NALF1: variants seen among roughly 807,000 people sequenced by gnomAD.
NALF1 encodes the protein family with sequence similarity 155 member A.
In NALF1, 3 loss-of-function variants were observed where a neutral mutation model predicts 48.4. The ratio of observed to expected loss-of-function variants is 0.06; its 90% CI spans 0.03 to 0.16. The LOEUF is 0.16. NALF1 is among the 10% of genes least tolerant of loss of function. NALF1 has a pLI of 1.00. For synonymous variants in NALF1, 262 were observed against 245.7 expected (o/e 1.07, Z -0.62); for missense variants, 526 against 571.5 (o/e 0.92, Z 0.81).
intron 1 of NALF1, among the ~76,000 whole-genome samples, chr13:107,547,988 T>G (rs1416991573): frequency 6.6e-6 from 1 of 151,964 alleles, no homozygotes; most frequent in Non-Finnish European, 1.5e-5. Context: ...TTTTTTAAAT[T>G]TTAGGTTCAG....
intron 1 of NALF1, among the ~76,000 whole-genome samples, chr13:107,436,411 C>T (rs1884464557): frequency 6.6e-6 from 1 of 152,054 alleles, no homozygotes; most frequent in Non-Finnish European, 1.5e-5. Flanking sequence ...TATTTGAAAA[C>T]AAATCTGTCA....
chr13:107,319,650 T>C (rs1447044092), intron 1 of NALF1, among the ~76,000 whole-genome samples: 1 of 152,114 alleles, frequency 6.6e-6, no homozygotes, highest in Non-Finnish European at 1.5e-5. Flanking sequence ...CTATATAAGG[T>C]AGGTTCTAAT....
chr13:107,659,315 CT>C (rs1221082954), intron 1 of NALF1, among the ~76,000 whole-genome samples: 4 of 152,104 alleles, frequency 2.6e-5, no homozygotes, highest in Non-Finnish European at 5.9e-5. Flanking sequence ...TTGCATTTAT[CT>C]TTTTTTCCCA....
intron 1 of NALF1, among the ~76,000 whole-genome samples, chr13:107,650,247 C>A (rs981867350): frequency 2.0e-5 from 3 of 152,014 alleles, no homozygotes; most frequent in Non-Finnish European, 2.9e-5. Flanking sequence ...CCTGACAGAA[C>A]CAGGGTACCC....
intron 1 of NALF1, among the ~76,000 whole-genome samples, chr13:107,808,146 G>T (rs2138603630): frequency 6.6e-6 from 1 of 152,200 alleles, no homozygotes; most frequent in African/African-American, 2.4e-5. Flanking sequence ...CAGTTGCGGG[G>T]CCGATGCACT....
At chr13:107,595,836 G>T (rs1415544753) in intron 1 of NALF1, among the ~76,000 whole-genome samples, 1 of 152,090 alleles carries the variant, frequency 6.6e-6, no homozygotes, top group African/African-American at 2.4e-5. Flanking sequence ...CTCAATAGAT[G>T]ATCATGTGAT....
At chr13:107,246,612 T>C (rs1880591278) in intron 1 of NALF1, among the ~76,000 whole-genome samples, 1 of 152,236 alleles carries the variant, frequency 6.6e-6, no homozygotes, top group African/African-American at 2.4e-5. Flanking sequence ...TGATTAGTAT[T>C]AGCTGAAGAT....
At chr13:107,730,625 G>A (rs1284713549) in intron 1 of NALF1, among the ~76,000 whole-genome samples, 1 of 152,068 alleles carries the variant, frequency 6.6e-6, no homozygotes, top group Non-Finnish European at 1.5e-5. Flanking sequence ...TGACAGCTCA[G>A]AAACAATTTT....
At chr13:107,266,697 C>T (rs1421261339) in intron 1 of NALF1, among the ~76,000 whole-genome samples, 7 of 152,050 alleles carry the variant, frequency 4.6e-5, no homozygotes, top group African/African-American at 1.7e-4. Flanking sequence ...GACCAAAGTC[C>T]CAGCACCTCA....
chr13:107,646,765 T>A (rs527443946), intron 1 of NALF1, among the ~76,000 whole-genome samples: 1 of 152,166 alleles, frequency 6.6e-6, no homozygotes, highest in Non-Finnish European at 1.5e-5. Flanking sequence ...CATTGACAGC[T>A]ATCTTTAAGA....
chr13:107,509,045 T>C (rs1157824), intron 1 of NALF1, among the ~76,000 whole-genome samples: 7,079 of 152,224 alleles, frequency 0.047, 553 homozygotes, highest in African/African-American at 0.16. Context: ...AATTCAATTA[T>C]AAATTTGAGA....
Position 107,665,571 on chromosome 13 carries a change from C to G in NALF1, c.915+200111G>C, listed in dbSNP as rs888019059. ...TTCTACAGAAAATATATTTCCCCCTCTCCATTTCTGCTCTCAATTCTGAGT... is the reference window on the plus strand; with the variant it reads ...TTCTACAGAAAATATATTTCCCCCTGTCCATTTCTGCTCTCAATTCTGAGT... On this transcript the variant is annotated intron_variant, in intron 1 of 2. Transcript: ENST00000375915. 1.2e-4 allele frequency among the ~76,000 whole-genome samples: 19 copies of G among 152,098 alleles called. 2 individuals carry two copies. Among genetic ancestry groups the G allele is most frequent in the Admixed American group, 1.0e-3 (16 of 15,256 alleles).
intron 1 of NALF1, among the ~76,000 whole-genome samples, chr13:107,286,163 A>G (rs1400980880): frequency 6.6e-6 from 1 of 152,226 alleles, no homozygotes; most frequent in Non-Finnish European, 1.5e-5. Flanking sequence ...TGTTGGTGGG[A>G]ATATAAAATG....
chr13:107,695,683 T>G (rs1881682346), intron 1 of NALF1, among the ~76,000 whole-genome samples: 4 of 152,218 alleles, frequency 2.6e-5, no homozygotes, highest in South Asian at 2.1e-4. Flanking sequence ...CGGTTCTAGA[T>G]GAGAACTCTC....
intron 1 of NALF1, among the ~76,000 whole-genome samples, chr13:107,498,731 C>T: frequency 6.6e-6 from 1 of 152,078 alleles, no homozygotes; most frequent in East Asian, 1.9e-4. Flanking sequence ...GAATTTTATT[C>T]TTGTTCCTTT....
intron 1 of NALF1, among the ~76,000 whole-genome samples, chr13:107,350,161 G>A (rs1024044380): frequency 1.3e-5 from 2 of 152,136 alleles, no homozygotes; most frequent in African/African-American, 2.4e-5. Context: ...AACAGGCCAC[G>A]GACCAATACT....
chr13:107,213,290 T>C (rs914300996), intron 1 of NALF1, among the ~76,000 whole-genome samples: 3 of 150,742 alleles, frequency 2.0e-5, no homozygotes, highest in African/African-American at 7.3e-5. Flanking sequence ...CAGCATTTTT[T>C]TTTAAGTATC....
chr13:107,816,960 C>T (rs1040181980), intron 1 of NALF1, among the ~76,000 whole-genome samples: 2 of 152,150 alleles, frequency 1.3e-5, no homozygotes, highest in East Asian at 1.9e-4. Flanking sequence ...CCTTTTTATA[C>T]ATATGGATTT....
At chr13:107,288,345 G>A (rs1448019503) in intron 1 of NALF1, among the ~76,000 whole-genome samples, 8 of 149,238 alleles carry the variant, frequency 5.4e-5, no homozygotes, top group South Asian at 2.2e-4. Flanking sequence ...TCAGCCTCCC[G>A]AGTAGCTGGG....
Sources: allele counts gnomAD v4.1 joint callset (sites outside exome capture counted in the v4.1 genomes callset), GRCh38; gene constraint gnomAD v4.1.1; transcripts MANE v1.5; gene names NCBI Gene and HGNC (gene_info 2026-07-23, HGNC 2026-07-21).